CBFA2T2: variants seen among roughly 807,000 people sequenced by gnomAD.
The protein encoded by CBFA2T2 is CBFA2/RUNX1 partner transcriptional co-repressor 2, also known as protein CBFA2T2.
CBFA2T2 carries 11 observed loss-of-function variants against 62.2 expected under a neutral mutation model. The ratio of observed to expected loss-of-function variants is 0.18; its 90% CI spans 0.11 to 0.29. The LOEUF (loss-of-function observed/expected upper bound fraction) is 0.29. CBFA2T2 is among the 10% of genes least tolerant of loss of function. CBFA2T2 has a pLI of 1.00. For missense variants in CBFA2T2, 592 were observed against 774.1 expected, an observed-to-expected ratio of 0.76 and a Z score of 2.79; for synonymous variants, 295 against 287.5, an observed-to-expected ratio of 1.03 and a Z score of -0.27.
intron 1 of CBFA2T2, among the ~76,000 whole-genome samples, chr20:33,575,841 G>A (rs766936164): frequency 2.6e-5 from 4 of 151,910 alleles, no homozygotes; most frequent in Admixed American, 6.6e-5. Flanking sequence ...GCAGTGGCGC[G>A]ATCTCAGCTC....
chr20:33,611,345 G>A lies in CBFA2T2; in HGVS notation c.420+10G>A, dbSNP rs373180801. ...TGTTCTTGCACTGGTGGTAAGTACAGCCTCACTGTTGTTCTCAGCTGCCTG... is the reference window on the plus strand; with the variant it reads ...TGTTCTTGCACTGGTGGTAAGTACAACCTCACTGTTGTTCTCAGCTGCCTG... On this transcript the variant is annotated intron_variant, in intron 3 of 10. Transcript: ENST00000342704. The A allele has an allele frequency of 1.9e-6, 3 of 1,612,190 alleles. No homozygotes were observed. Among genetic ancestry groups the A allele is most frequent in the South Asian group, 2.2e-5 (2 of 91,062 alleles).
At chr20:33,561,753 T>G (rs1486680262) in intron 1 of CBFA2T2, among the ~76,000 whole-genome samples, 1 of 152,208 alleles carries the variant, frequency 6.6e-6, no homozygotes, top group African/African-American at 2.4e-5. Context: ...ATTTGCTCTG[T>G]TTTAAAACAA....
intron 10 of CBFA2T2, 102 bp from the exon 11 acceptor site, chr20:33,644,245 T>C (rs2016967642): frequency 7.5e-7 from 1 of 1,328,338 alleles, no homozygotes; most frequent in Non-Finnish European, 1.0e-6. Flanking sequence ...GTTCCAAAGC[T>C]GGGGTTCTCT....
chr20:33,533,009 CAG>C (rs1344601120), intron 1 of CBFA2T2, among the ~76,000 whole-genome samples: 1 of 152,160 alleles, frequency 6.6e-6, no homozygotes, highest in Non-Finnish European at 1.5e-5. Flanking sequence ...ATGGAATCCT[CAG>C]AGAACTACAC....
intron 9 of CBFA2T2, chr20:33,638,730 G>C (rs2016719106): frequency 6.6e-6 from 1 of 152,180 alleles, no homozygotes; most frequent in Non-Finnish European, 1.5e-5. Flanking sequence ...GACTTACGTA[G>C]GGAGCTACGT....
intron 1 of CBFA2T2, among the ~76,000 whole-genome samples, chr20:33,541,860 A>T (rs1349192416): frequency 6.6e-6 from 1 of 151,848 alleles, no homozygotes; most frequent in Non-Finnish European, 1.5e-5. Flanking sequence ...ACTTTGTCTT[A>T]GTGCTACAGG....
At position 33,610,584 on chromosome 20, in the gene CBFA2T2, T is replaced by C. The variant is rs550016570; in HGVS notation, c.179-510T>C. 3.9e-5 allele frequency among the ~76,000 whole-genome samples: 6 copies of C among 152,298 alleles called. No homozygotes were observed. The South Asian group carries it at 1.2e-3, about 32-fold the overall frequency. ...GATGGCCAAAGAGATAGGTACCTTA[T>C]TGTAGGAATAAGTCATTAAATCAGT... On this transcript the variant is annotated intron_variant, in intron 2 of 10. Transcript: ENST00000342704.
At chr20:33,599,935 AAT>A (rs1272005161) in intron 1 of CBFA2T2, among the ~76,000 whole-genome samples, 3 of 152,020 alleles carry the variant, frequency 2.0e-5, no homozygotes, top group Non-Finnish European at 4.4e-5. Flanking sequence ...ATTTTTGTTG[AAT>A]GATAAATTGT....
chr20:33,549,929 C>A (rs796097311), intron 1 of CBFA2T2, among the ~76,000 whole-genome samples: 27 of 143,688 alleles, frequency 1.9e-4, no homozygotes, highest in African/African-American at 5.7e-4. Flanking sequence ...GGAGATAGAA[C>A]ACTGGCAGTT....
At chr20:33,504,397 ATTTAACTTTTT>A (rs1426848835) in intron 1 of CBFA2T2, among the ~76,000 whole-genome samples, 66 of 134,764 alleles carry the variant, frequency 4.9e-4, no homozygotes, top group African/African-American at 1.8e-3. Flanking sequence ...ATAATTTCAT[ATTTAACTTTTT>A]TTTTTTTTTT....
intron 8 of CBFA2T2, among the ~76,000 whole-genome samples, chr20:33,636,367 T>C (rs1020370013): frequency 3.3e-5 from 5 of 152,016 alleles, no homozygotes; most frequent in African/African-American, 1.2e-4. Flanking sequence ...AATTAGGACA[T>C]AATAGGTAAG....
Position 33,644,405 on chromosome 20 carries a change from G to A in CBFA2T2, c.1547G>A (p.Arg516Gln), listed in dbSNP as rs1283162614. 4 of 1,614,128 alleles carry A rather than the reference G, an allele frequency of 2.5e-6. No homozygotes were observed. Among genetic ancestry groups the A allele is most frequent in the East Asian group, 2.2e-5 (1 of 44,894 alleles). Residue 516 changes from arginine to glutamine, a missense_variant, in exon 11 of 11, where the codon CGA (arginine) becomes CAA (glutamine). By Grantham distance (43) the Arg-to-Gln change is conservative. Around this residue, in one of 3 missense-constraint regions of CBFA2T2, gnomAD observed 58 missense variants for 123.9 expected, o/e 0.47. Coordinates refer to ENST00000342704, the MANE Select transcript of CBFA2T2 (RefSeq NM_001032999.3). The stretch of plus-strand genomic sequence containing the variant: ...ACATGCAGTGGCTGCAATATCGCGC[G>A]ATACTGTGGCTCTTTCTGCCAGCAC... ...SETCSGCNIA[R>Q]YCGSFCQHKD...
At chr20:33,548,520 A>G (rs766376901) in intron 1 of CBFA2T2, among the ~76,000 whole-genome samples, 3 of 152,142 alleles carry the variant, frequency 2.0e-5, no homozygotes, top group African/African-American at 4.8e-5. Flanking sequence ...CTGGGATTAC[A>G]AGCATGAGCC....
chr20:33,555,309 C>T (rs1225627761), intron 1 of CBFA2T2, among the ~76,000 whole-genome samples: 2 of 152,012 alleles, frequency 1.3e-5, no homozygotes, highest in Admixed American at 6.5e-5. Flanking sequence ...TAGTTGTCAT[C>T]ATCAGAGTAA....
chr20:33,595,141 C>T (rs1373894743), intron 1 of CBFA2T2, among the ~76,000 whole-genome samples: 1 of 152,188 alleles, frequency 6.6e-6, no homozygotes, highest in African/African-American at 2.4e-5. Context: ...TGGAAGAGAC[C>T]CTCAGCACGT....
intron 1 of CBFA2T2, among the ~76,000 whole-genome samples, chr20:33,541,637 G>T (rs2012412045): frequency 6.6e-6 from 1 of 152,096 alleles, no homozygotes; most frequent in Admixed American, 6.5e-5. Flanking sequence ...TGGTTTGTTT[G>T]TTTGTTTTTA....
chr20:33,578,559 A>G (rs1460341015), intron 1 of CBFA2T2, among the ~76,000 whole-genome samples: 1 of 152,220 alleles, frequency 6.6e-6, no homozygotes. Context: ...GGCTAGCACA[A>G]CAGCCCTCTG....
chr20:33,616,631 G>A (rs1488429122), intron 3 of CBFA2T2, among the ~76,000 whole-genome samples: 2 of 151,882 alleles, frequency 1.3e-5, no homozygotes, highest in South Asian at 2.1e-4. Context: ...GAAGGCTGAG[G>A]CACAAGAATC....
intron 1 of CBFA2T2, among the ~76,000 whole-genome samples, chr20:33,501,873 C>T (rs1003240505): frequency 5.3e-5 from 8 of 151,928 alleles, no homozygotes; most frequent in Non-Finnish European, 2.9e-5. Flanking sequence ...CTCCTGACCT[C>T]AGGTGATTCG....
Sources: gnomAD v4.1 joint callset for allele counts (sites outside exome capture counted in the v4.1 genomes callset) on GRCh38, gnomAD v4.1.1 for gene constraint, gnomAD v4.1.1 regional missense constraint, MANE v1.5 for transcripts, NCBI Gene and HGNC (gene_info 2026-07-23, HGNC 2026-07-21) for gene names.